POLRMT: variants seen among roughly 807,000 people sequenced by gnomAD.
The protein encoded by POLRMT is DNA-directed RNA polymerase, mitochondrial.
POLRMT carries 114 observed loss-of-function variants against 132.2 expected under a neutral mutation model. The ratio of observed to expected loss-of-function variants is 0.86; its 90% CI spans 0.74 to 1.01. The LOEUF is 1.01. Ranked by LOEUF, POLRMT falls within the 50% of genes least tolerant of loss-of-function variation. POLRMT has a pLI of 0.00. For synonymous variants in POLRMT, 1,020 were observed against 773.4 expected (o/e 1.32, Z -5.29); for missense variants, 2,003 against 1,729.1 (o/e 1.16, Z -2.81).
At chr19:631,500 G>T (rs1210509505) in intron 2 of POLRMT, among the ~76,000 whole-genome samples, 1 of 151,954 alleles carries the variant, frequency 6.6e-6, no homozygotes, top group Non-Finnish European at 1.5e-5. Context: ...TTAACCGGGC[G>T]TGGTGGTGCG....
In POLRMT at chr19:620,712, G is replaced by C. The variant is rs966296714; in HGVS notation, c.2641-225C>G. On this transcript the variant is annotated intron_variant, in intron 10 of 20. Coordinates refer to ENST00000588649, the MANE Select transcript of POLRMT (RefSeq NM_005035.4). ...GACCGGGCTGAAACAAGCGTGTCCG[G>C]AGCTGCCGGGGGAGGAGGGTGGACA... 4.1e-5 allele frequency among the ~76,000 whole-genome samples: 6 copies of C among 146,186 alleles called. No individual in the cohort carries two copies. In the South Asian group the frequency reaches 6.8e-4, roughly 17 times the overall value.
chr19:620,537 G>A, intron 10 of POLRMT, 50 bp from the exon 11 acceptor site: 2 of 1,480,418 alleles, frequency 1.4e-6, no homozygotes, highest in Non-Finnish European at 1.8e-6. Context: ...CGATCCCTGA[G>A]CCCGCTGGGA....
chr19:625,993 G>T (rs938816672), intron 3 of POLRMT, among the ~76,000 whole-genome samples: 5 of 151,966 alleles, frequency 3.3e-5, no homozygotes, highest in African/African-American at 1.2e-4. Context: ...GCACCACCGC[G>T]CCCGGCCATC....
chr19:619,404 G>GT, intron 13 of POLRMT, 108 bp from the exon 14 acceptor site: 1 of 1,412,988 alleles, frequency 7.1e-7, no homozygotes, highest in Non-Finnish European at 9.8e-7. Context: ...CCTAGCAGGG[G>GT]GGCAGGGGAA....
chr19:620,540 C>T (rs1984443851), intron 10 of POLRMT, 53 bp from the exon 11 acceptor site: 3 of 1,472,066 alleles, frequency 2.0e-6, no homozygotes, highest in South Asian at 1.4e-5. Context: ...TCCCTGAGCC[C>T]GCTGGGAGGC....
chr19:620,222 G>C, intron 11 of POLRMT, 142 bp from the exon 12 acceptor site: 1 of 1,450,788 alleles, frequency 6.9e-7, no homozygotes, highest in Non-Finnish European at 9.2e-7. Context: ...GCTCCCGGGA[G>C]AGACCAGGAG....
In POLRMT at chr19:622,328, C is replaced by G; in HGVS notation, c.1672G>C (p.Ala558Pro). 6.4e-7 allele frequency: 1 copy of G among 1,561,304 alleles called. No individual in the cohort carries two copies. Among genetic ancestry groups the G allele is most frequent in the African/African-American group, 1.4e-5 (1 of 73,750 alleles). The stretch of plus-strand genomic sequence containing the variant: ...GGCTGCTCCCGCAGGGCCTCGGGCG[C>G]CCCCAGCTCCTCCCAGTACTGCCGC... ...LPRQYWEELGAPEALREQPWP... is the reference protein window; with the variant it reads ...LPRQYWEELGPPEALREQPWP... The change falls in exon 9 of 21, where the codon GCG becomes CCG. Residue 558 changes from alanine to proline, a missense_variant. Physicochemically the swap from Ala to Pro is conservative, Grantham distance 27 (BLOSUM62 -1). Transcript: ENST00000588649.
chr19:624,056 C>T (rs1290071943), intron 5 of POLRMT, among the ~76,000 whole-genome samples: 2 of 152,260 alleles, frequency 1.3e-5, no homozygotes, highest in African/African-American at 4.8e-5. Context: ...CTGCATGACT[C>T]GCAGTCGATA....
Position 617,608 on chromosome 19 carries a change from C to A in POLRMT, c.3543G>T (p.Gln1181His). 1 of 1,612,472 alleles carries A rather than the reference C, an allele frequency of 6.2e-7. No homozygotes were observed. The highest frequency in any genetic ancestry group is 1.7e-5 in the Admixed American group (1 of 60,020). Residue 1181 changes from glutamine (Q) to histidine (H), a missense_variant, in exon 19 of 21, where the codon CAG becomes CAT. Gln to His is a conservative substitution (Grantham distance 24). Transcript: ENST00000588649. ...GCTTGACCAGGAATCTGGACAGGTC[C>A]TGCAGGATGGGCTCGCTGTGCAAGC... is the stretch of plus-strand genomic sequence containing the variant. ...FVRLHSEPIL[Q>H]DLSRFLVKRF... is the part of the protein sequence containing the mutation.
chr19:617,749 T>C (rs142357282), intron 18 of POLRMT, 28 bp downstream of exon 18: 9 of 1,612,526 alleles, frequency 5.6e-6, no homozygotes, highest in South Asian at 1.1e-5. Context: ...CACCCATGGG[T>C]GGACTGAGGC....
intron 2 of POLRMT, 40 bp downstream of exon 2, chr19:632,794 G>A: frequency 2.0e-6 from 3 of 1,485,952 alleles, no homozygotes; most frequent in Non-Finnish European, 9.0e-7. Flanking sequence ...AGCAGGGAGC[G>A]GACTCTCCTC....
chr19:621,218 A>C lies in POLRMT; in HGVS notation c.2480T>G (p.Phe827Cys). The C allele has an allele frequency of 1.2e-6, 2 of 1,609,954 alleles. No individual in the cohort carries two copies. The highest frequency in any genetic ancestry group is 2.7e-5 in the African/African-American group (2 of 74,850). ...CGGGCCGAGCGGGCGGCCCTGGGCG[A>C]ACTCCAGCAGGGCCCGCGCCACGTC... ...GSDVARALLE[F>C]AQGRPLGPHG... Residue 827 changes from phenylalanine to cysteine, a missense_variant, in exon 10 of 21, where the codon TTC becomes TGC. Coordinates refer to ENST00000588649, the MANE Select transcript of POLRMT (RefSeq NM_005035.4).
Position 623,052 on chromosome 19 carries a change from G to T in POLRMT, c.1291-67C>A, listed in dbSNP as rs971358000. 1.9e-6 allele frequency: 3 copies of T among 1,550,834 alleles called. No individual in the cohort carries two copies. In the African/African-American group the frequency reaches 4.1e-5, roughly 21 times the overall value. ...GTGGGACCCAGGCTCACAGGACGGG[G>T]GTCACCGCAGCTCCCTGCAGAGACC... On this transcript the variant is annotated intron_variant, in intron 6 of 20. Transcript: ENST00000588649.
intron 3 of POLRMT, chr19:625,496 C>A: frequency 2.1e-6 from 1 of 482,242 alleles, no homozygotes; most frequent in Non-Finnish European, 3.7e-6. Flanking sequence ...CTCTGGGAGG[C>A]AGCTTGTTAA....
intron 4 of POLRMT, 33 bp downstream of exon 4, chr19:625,091 G>GC: frequency 6.2e-7 from 1 of 1,601,468 alleles, no homozygotes. Flanking sequence ...GAGGGACATG[G>GC]TGGGGGGTGG....
chr19:630,898 C>A (rs1212364403), intron 2 of POLRMT, among the ~76,000 whole-genome samples: 1 of 152,204 alleles, frequency 6.6e-6, no homozygotes, highest in Non-Finnish European at 1.5e-5. Context: ...CGGCTCACGT[C>A]GGTCATCCCA....
intron 9 of POLRMT, 127 bp downstream of exon 9, chr19:622,022 G>A: frequency 8.6e-7 from 1 of 1,156,558 alleles, no homozygotes; most frequent in Admixed American, 2.5e-5. Flanking sequence ...CCCATGGTGT[G>A]TCCCGAGTCC....
At chr19:621,886 G>A (rs1984640530) in intron 9 of POLRMT, 40 bp from the exon 10 acceptor site, 3 of 1,593,654 alleles carry the variant, frequency 1.9e-6, no homozygotes, top group East Asian at 2.2e-5. Context: ...CCCCGGTGCT[G>A]GGGCTTTCCT....
intron 3 of POLRMT, among the ~76,000 whole-genome samples, chr19:626,628 T>TA (rs1985032493): frequency 3.6e-5 from 1 of 27,662 alleles, no homozygotes; most frequent in Non-Finnish European, 7.1e-5. Context: ...CCACTAAAAA[T>TA]ACAAAAAAAA....
Sources: gnomAD v4.1 joint callset for allele counts (sites outside exome capture counted in the v4.1 genomes callset) on GRCh38, gnomAD v4.1.1 for gene constraint, MANE v1.5 for transcripts, NCBI Gene and HGNC (gene_info 2026-07-23, HGNC 2026-07-21) for gene names.